BAZ1A: variants seen among roughly 807,000 people sequenced by gnomAD.
BAZ1A encodes bromodomain adjacent to zinc finger domain protein 1A.
In BAZ1A, 50 loss-of-function variants were observed where a neutral mutation model predicts 185.2. The observed-to-expected ratio is 0.27, with a 90% CI of 0.22 to 0.34. BAZ1A has a LOEUF of 0.34. BAZ1A is among the 10% of genes least tolerant of loss of function. BAZ1A has a pLI of 1.00. For synonymous variants in BAZ1A, 571 were observed against 615.6 expected, an observed-to-expected ratio of 0.93 and a Z score of 1.07; for missense variants, 1,356 against 1,839.9, an observed-to-expected ratio of 0.74 and a Z score of 4.81.
chr14:34,836,893 T>C (rs2042339393), intron 3 of BAZ1A, among the ~76,000 whole-genome samples: 1 of 152,020 alleles, frequency 6.6e-6, no homozygotes, highest in South Asian at 2.1e-4. Flanking sequence ...ATTCCTTTTT[T>C]AGAGAAATAC....
intron 2 of BAZ1A, among the ~76,000 whole-genome samples, chr14:34,864,670 G>A (rs1050614955): frequency 1.7e-4 from 25 of 149,580 alleles, no homozygotes; most frequent in African/African-American, 4.9e-4. Context: ...TAGTAGAGAC[G>A]GGGTTTCACC....
chr14:34,817,623 C>T (rs2042026768), intron 4 of BAZ1A, among the ~76,000 whole-genome samples: 1 of 152,070 alleles, frequency 6.6e-6, no homozygotes, highest in African/African-American at 2.4e-5. Flanking sequence ...AACAAAAAAA[C>T]ACAACTCTGT....
At position 34,874,691 on chromosome 14, in the gene BAZ1A, G is replaced by C; in HGVS notation, c.-58-29C>G. ...TCAAAATTGGAGGGAAAGGAAAGCC[G>C]GTAAGGTGGGGAGCCCTCGGCGGCA... is the stretch of plus-strand genomic sequence containing the variant. On this transcript the variant is annotated intron_variant, in intron 1 of 26. Coordinates refer to ENST00000360310, the MANE Select transcript of BAZ1A (RefSeq NM_013448.3). This position sits in a 1 kb window ranked among gnomAD's most constrained non-coding sequence, Gnocchi z 4.7. 1 of 1,180,766 alleles carries C rather than the reference G, an allele frequency of 8.5e-7. No homozygotes were observed. Among genetic ancestry groups the C allele is most frequent in the Non-Finnish European group, 1.2e-6 (1 of 837,876 alleles). The allele number at this position is 1,180,766 out of a possible 1,614,324, so 73.1% of individuals were successfully genotyped here. A position where few individuals can be genotyped will look rare whatever the true frequency, so the allele number is the denominator to read the frequency against.
intron 3 of BAZ1A, among the ~76,000 whole-genome samples, chr14:34,840,309 CCT>C (rs1404092678): frequency 6.6e-6 from 1 of 151,984 alleles, no homozygotes; most frequent in African/African-American, 2.4e-5. Flanking sequence ...CTTAAAAATC[CCT>C]GTTTTTTCAG....
intron 21 of BAZ1A, chr14:34,768,618 C>G (rs1254742276): frequency 6.7e-6 from 2 of 299,340 alleles, no homozygotes; most frequent in Non-Finnish European, 1.3e-5. Flanking sequence ...AATCACTATT[C>G]AGCCATAGAG....
chr14:34,831,282 C>G (rs2042238700), intron 3 of BAZ1A, among the ~76,000 whole-genome samples: 1 of 152,106 alleles, frequency 6.6e-6, no homozygotes, highest in South Asian at 2.1e-4. Context: ...CCAGATTTAG[C>G]TGATACAGGG....
chr14:34,829,470 A>G (rs764848295), intron 3 of BAZ1A, among the ~76,000 whole-genome samples: 22 of 152,198 alleles, frequency 1.4e-4, no homozygotes, highest in Non-Finnish European at 2.9e-4. Flanking sequence ...ACTTCCTATC[A>G]ATTTATAATC....
chr14:34,808,849 A>C (rs1369828961), intron 5 of BAZ1A, among the ~76,000 whole-genome samples: 1 of 152,196 alleles, frequency 6.6e-6, no homozygotes, highest in African/African-American at 2.4e-5. Context: ...ATTGAGTTCA[A>C]TATATTCCTT....
chr14:34,799,978 T>G (rs879904679), intron 9 of BAZ1A, among the ~76,000 whole-genome samples: 1 of 152,202 alleles, frequency 6.6e-6, no homozygotes, highest in Non-Finnish European at 1.5e-5. Context: ...ATATATCATC[T>G]TCCCTAAATT....
chr14:34,810,409 A>AT (rs1335512664), intron 5 of BAZ1A, among the ~76,000 whole-genome samples: 1 of 152,196 alleles, frequency 6.6e-6, no homozygotes, highest in Non-Finnish European at 1.5e-5. Context: ...AAAGATACTC[A>AT]TTTTTTATGA....
Position 34,874,599 on chromosome 14 carries a change from C to A in BAZ1A, c.6G>T (p.Pro2=). Residue 2 remains proline (P), a synonymous_variant, in exon 2 of 27, where the codon CCG becomes CCT. Transcript: ENST00000360310. This position sits in a 1 kb window ranked among gnomAD's most constrained non-coding sequence, Gnocchi z 4.7. ...TCACAAACGGCTTTCGGTGTAGCAG[C>A]GGCATCTCCCGTCCGCCCGCGGGCT... M[P]LLHRKPFVRQ... is the part of the protein sequence containing the mutation. 2 of 1,605,734 alleles carry A rather than the reference C, an allele frequency of 1.2e-6. No homozygotes were observed. The highest frequency in any genetic ancestry group is 1.7e-4 in the Middle Eastern group (1 of 5,834).
intron 4 of BAZ1A, among the ~76,000 whole-genome samples, chr14:34,813,215 A>AACACAC (rs71671684): frequency 1.3e-5 from 2 of 149,904 alleles, no homozygotes; most frequent in Non-Finnish European, 3.0e-5. Flanking sequence ...AAACCTACAA[A>AACACAC]ACACACACAC....
rs765397590 is a variant in BAZ1A, at chr14:34,758,751, G to T, written c.4339C>A (p.Arg1447=). The part of the protein sequence containing the change: ...AFEQLVVELV[R]HDDSWPFLKL... ...AAAAAAGGCCAGCTGTCATCATGTC[G>T]TACCAATTCTACAACAAGTTGTTCA... is the stretch of plus-strand genomic sequence containing the variant. The change falls in exon 25 of 27, where the codon CGA becomes AGA. Residue 1447 remains arginine (R), a synonymous_variant. Transcript: ENST00000360310. 1 of 1,614,086 alleles carries T rather than the reference G, an allele frequency of 6.2e-7. No individual in the cohort carries two copies. Among genetic ancestry groups the T allele is most frequent in the South Asian group, 1.1e-5 (1 of 91,070 alleles).
chr14:34,870,232 G>T (rs2042929351), intron 2 of BAZ1A, among the ~76,000 whole-genome samples: 1 of 152,094 alleles, frequency 6.6e-6, no homozygotes, highest in South Asian at 2.1e-4. Context: ...GTAGACAAAA[G>T]ATAAAATTCA....
chr14:34,771,770 C>G, intron 20 of BAZ1A, 111 bp from the exon 21 acceptor site: 1 of 993,306 alleles, frequency 1.0e-6, no homozygotes, highest in Non-Finnish European at 1.4e-6. Flanking sequence ...AAATCATTTC[C>G]TCAATCTCAA....
At chr14:34,778,927 G>A (rs899474848) in intron 17 of BAZ1A, among the ~76,000 whole-genome samples, 5 of 152,176 alleles carry the variant, frequency 3.3e-5, no homozygotes, top group Admixed American at 3.3e-4. Flanking sequence ...CAATCAGGGC[G>A]CACTGCAGCC....
At chr14:34,801,620 A>G (rs1005689197) in intron 7 of BAZ1A, among the ~76,000 whole-genome samples, 1 of 152,168 alleles carries the variant, frequency 6.6e-6, no homozygotes, top group Non-Finnish European at 1.5e-5. Context: ...ATTCTAAAGT[A>G]TAATTGGGCC....
rs1366346236 is a variant in BAZ1A, at chr14:34,754,852, C to T, written c.4449G>A (p.Val1483=). The T allele has an allele frequency of 6.2e-7, 1 of 1,600,838 alleles. No individual in the cohort carries two copies. Among genetic ancestry groups the T allele is most frequent in the African/African-American group, 1.3e-5 (1 of 74,564 alleles). ...ATGCTAATTTATATTCACACTTATTCACTTTTTCACGAATTATATTTAAGG... is the reference window on the plus strand; with the variant it reads ...ATGCTAATTTATATTCACACTTATTTACTTTTTCACGAATTATATTTAAGG... The part of the protein sequence containing the change: ...PIALNIIREK[V]NKCEYKLASE... The change falls in exon 26 of 27, where the codon GTG becomes GTA. Residue 1483 remains valine (V), a synonymous_variant. Coordinates refer to ENST00000360310, the MANE Select transcript of BAZ1A (RefSeq NM_013448.3).
chr14:34,783,058 GT>G, intron 16 of BAZ1A, 60 bp downstream of exon 16: 2 of 1,245,496 alleles, frequency 1.6e-6, no homozygotes, highest in Non-Finnish European at 2.3e-6. Flanking sequence ...AGAGTTTAAG[GT>G]GTCTGGTTTT....
Sources: allele counts gnomAD v4.1 joint callset (sites outside exome capture counted in the v4.1 genomes callset), GRCh38; gene constraint gnomAD v4.1.1; non-coding constraint Gnocchi (gnomAD v3.1); transcripts MANE v1.5; gene names NCBI Gene and HGNC (gene_info 2026-07-23, HGNC 2026-07-21).